Variants in INTS2 observed in about 807,000 individuals in gnomAD.
The protein encoded by INTS2 is KIAA1287.
Under a neutral mutation model 139.6 loss-of-function variants are expected in INTS2, and 57 were observed. The observed-to-expected ratio is 0.41, with a 90% confidence interval of 0.33 to 0.51. The LOEUF (loss-of-function observed/expected upper bound fraction) is 0.51. Ranked by LOEUF, INTS2 falls within the 20% of genes least tolerant of loss-of-function variation. INTS2 has a pLI of 0.28. For synonymous variants in INTS2, 473 were observed against 493.4 expected (o/e 0.96, Z 0.55); for missense variants, 1,196 against 1,436.7 (o/e 0.83, Z 2.71).
intron 5 of INTS2, among the ~76,000 whole-genome samples, chr17:61,918,316 G>A (rs946031213): frequency 6.6e-6 from 1 of 151,928 alleles, no homozygotes; most frequent in Non-Finnish European, 1.5e-5. Flanking sequence ...ATATCGGCTC[G>A]CTGCAACCTC....
chr17:61,902,483 A>G (rs1164473760), intron 9 of INTS2, among the ~76,000 whole-genome samples: 3 of 152,144 alleles, frequency 2.0e-5, no homozygotes, highest in African/African-American at 7.2e-5. Context: ...AGATTTACCC[A>G]AAGTGTACAA....
Position 61,909,823 on chromosome 17 carries a change from ATGTG to A in INTS2, c.954+1693_954+1696del, listed in dbSNP as rs78460850. ...TATACGTGTGTGTGTACATGTGTGT[ATGTG>A]TGTGTGTGTGTGTGTGTGTGTGTGT... On this transcript the variant is annotated intron_variant, in intron 7 of 24. Transcript: ENST00000251334. The surrounding 1 kb of genome is among the most constrained non-coding windows in gnomAD (Gnocchi z 4.9). Among the ~76,000 whole-genome samples the A allele has an allele frequency of 0.34, 47,664 of 138,370 alleles. 8,380 individuals carry two copies. The highest frequency in any genetic ancestry group is 0.45 in the South Asian group (1,971 of 4,346). The allele number at this position is 138,370 out of a possible 152,430, so 90.8% of individuals were successfully genotyped here.
intron 12 of INTS2, 67 bp downstream of exon 12, chr17:61,895,248 A>G (rs920417058): frequency 1.2e-6 from 1 of 855,342 alleles, no homozygotes; most frequent in East Asian, 2.7e-5. Flanking sequence ...GGTAAGACAC[A>G]CAAGTTTTCT....
chr17:61,906,633 G>A (rs190019725), intron 8 of INTS2, among the ~76,000 whole-genome samples: 3 of 152,150 alleles, frequency 2.0e-5, no homozygotes, highest in Admixed American at 2.0e-4. Flanking sequence ...ATGCAAATGA[G>A]GACTGTATGT....
At chr17:61,889,346 C>G (rs554709482) in intron 15 of INTS2, among the ~76,000 whole-genome samples, 1 of 152,222 alleles carries the variant, frequency 6.6e-6, no homozygotes, top group Admixed American at 6.5e-5. Context: ...CTCGGCCTCC[C>G]GAAGTGCTAG....
At chr17:61,900,769 C>T (rs2079396827) in intron 9 of INTS2, among the ~76,000 whole-genome samples, 1 of 151,114 alleles carries the variant, frequency 6.6e-6, no homozygotes, top group African/African-American at 2.4e-5. Flanking sequence ...ACCAGCCTGA[C>T]CAACATGGAG....
intron 8 of INTS2, among the ~76,000 whole-genome samples, chr17:61,907,156 T>C (rs1476455063): frequency 6.6e-6 from 1 of 152,132 alleles, no homozygotes; most frequent in Non-Finnish European, 1.5e-5. Context: ...TAAACTGTGA[T>C]TGGAAATTGA....
intron 17 of INTS2, among the ~76,000 whole-genome samples, chr17:61,879,418 T>C (rs2079158004): frequency 6.6e-6 from 1 of 152,206 alleles, no homozygotes; most frequent in African/African-American, 2.4e-5. Flanking sequence ...CATCTGGCTA[T>C]TGAGCATCTG....
chr17:61,927,668 T>C lies in INTS2; in HGVS notation c.-33A>G. 7.1e-7 allele frequency: 1 copy of C among 1,414,632 alleles called. No homozygotes were observed. 87.6% of individuals were successfully genotyped at this position (1,414,632 alleles called of 1,614,324 possible). ...ACGCTTCATACCTTAAGATCTACCCTCCAGCCTCACGGAACCGCACACGGA... is the reference window on the plus strand; with the variant it reads ...ACGCTTCATACCTTAAGATCTACCCCCCAGCCTCACGGAACCGCACACGGA... On this transcript the variant is annotated 5_prime_UTR_variant, in exon 1 of 25. Transcript: ENST00000251334.
rs1417306333 is a variant in INTS2, at chr17:61,867,062, T to G, written c.*495A>C. On this transcript the variant is annotated 3_prime_UTR_variant, in exon 25 of 25. Coordinates refer to ENST00000251334, the MANE Select transcript of INTS2 (RefSeq NM_001351695.2). The surrounding 1 kb of genome is among the most constrained non-coding windows in gnomAD (Gnocchi z 5.6). ...ATTACTATTACTTGCACTGCAAATC[T>G]TTGAGATTTCTACTTGTGTTTTTAA... The G allele has an allele frequency of 2.0e-5, 3 of 152,258 alleles. No homozygotes were observed. The highest frequency in any genetic ancestry group is 4.4e-5 in the Non-Finnish European group (3 of 68,046). The allele number at this position is 152,258 out of a possible 1,614,324, so 9.4% of individuals were successfully genotyped here.
rs1162090261 is a variant in INTS2 at position 61,893,997 on chromosome 17, T to C, written c.1564-98A>G. ...GTAGACTGTCAACACCTAATACAAG[T>C]GTGGTCCCTAGAAATGAATGATGAA... On this transcript the variant is annotated intron_variant, in intron 12 of 24. Coordinates refer to ENST00000251334, the MANE Select transcript of INTS2 (RefSeq NM_001351695.2). This position sits in a 1 kb window ranked among gnomAD's most constrained non-coding sequence, Gnocchi z 5.4. The C allele has an allele frequency of 3.0e-6, 2 of 669,724 alleles. No individual in the cohort carries two copies. Among genetic ancestry groups the C allele is most frequent in the East Asian group, 6.1e-5 (2 of 32,942 alleles). 41.5% of individuals were successfully genotyped at this position (669,724 alleles called of 1,614,324 possible).
chr17:61,911,957 T>G lies in INTS2; in HGVS notation c.763A>C (p.Lys255Gln). ...LCKMNPSQAL[K>Q]VRGMVVEECH... Reference sequence around the variant, plus strand: ...TCACTTACCACCATGCCTCGGACCTTGAGGGCCTGAGAAGGATTCATTTTA... The same window carrying G: ...TCACTTACCACCATGCCTCGGACCTGGAGGGCCTGAGAAGGATTCATTTTA... Residue 255 changes from lysine to glutamine, a missense_variant, in exon 6 of 25, where the codon AAG becomes CAG. Around this residue, in one of 3 missense-constraint regions of INTS2, gnomAD observed 1,129 missense variants for 1,341.9 expected, o/e 0.84. Transcript: ENST00000251334. 2 of 1,613,374 alleles carry G rather than the reference T, an allele frequency of 1.2e-6. No homozygotes were observed. Among genetic ancestry groups the G allele is most frequent in the Non-Finnish European group, 1.7e-6 (2 of 1,179,718 alleles).
rs1462469981 is a variant in INTS2 at position 61,897,092 on chromosome 17, T to C, written c.1494+377A>G. On this transcript the variant is annotated intron_variant, in intron 11 of 24. Transcript: ENST00000251334. This position sits in a 1 kb window ranked among gnomAD's most constrained non-coding sequence, Gnocchi z 4.4. ...AATGGACTATAAGACAATGCAGTCATTAAAAATTATACTGTATTATAATAT... is the reference window on the plus strand; with the variant it reads ...AATGGACTATAAGACAATGCAGTCACTAAAAATTATACTGTATTATAATAT... Among the ~76,000 whole-genome samples the C allele has an allele frequency of 6.6e-6, 1 of 152,154 alleles. No homozygotes were observed. Among genetic ancestry groups the C allele is most frequent in the East Asian group, 1.9e-4 (1 of 5,206 alleles).
chr17:61,894,901 AAAG>A (rs982885857), intron 12 of INTS2, among the ~76,000 whole-genome samples: 3 of 152,188 alleles, frequency 2.0e-5, no homozygotes, highest in Admixed American at 2.0e-4. Flanking sequence ...TGCTAAGGCT[AAAG>A]AAGAACATGT....
Position 61,911,675 on chromosome 17 carries a change from G to A in INTS2, c.799C>T (p.Pro267Ser). 1.2e-6 allele frequency: 2 copies of A among 1,613,030 alleles called. No individual in the cohort carries two copies. The highest frequency in any genetic ancestry group is 1.7e-6 in the Non-Finnish European group (2 of 1,179,404). The change falls in exon 7 of 25, where the codon CCA becomes TCA. Residue 267 changes from proline to serine, a missense_variant. Transcript: ENST00000251334. Reference sequence around the variant, plus strand: ...AATGTCAAAGCCACACCAAGGCCTGGCAAGTGACATTCTTCCACCTAGCAC... The same window carrying A: ...AATGTCAAAGCCACACCAAGGCCTGACAAGTGACATTCTTCCACCTAGCAC... ...RGMVVEECHL[P>S]GLGVALTLDH... is the part of the protein sequence containing the mutation.
intron 16 of INTS2, 122 bp downstream of exon 16, chr17:61,884,779 G>A (rs2079210267): frequency 1.5e-6 from 1 of 681,334 alleles, no homozygotes; most frequent in African/African-American, 1.8e-5. Flanking sequence ...GAGGCAAAGA[G>A]GAATTTCACT....
At position 61,867,897 on chromosome 17, in the gene INTS2, T is replaced by C. The variant is rs1247413244; in HGVS notation, c.3357A>G (p.Gln1119=). 9 of 1,612,162 alleles carry C rather than the reference T, an allele frequency of 5.6e-6. No individual in the cohort carries two copies. The highest frequency in any genetic ancestry group is 1.3e-5 in the African/African-American group (1 of 74,962). The change falls in exon 24 of 25, where the codon CAA becomes CAG. Residue 1119 remains glutamine, a synonymous_variant. Transcript: ENST00000251334. The surrounding 1 kb of genome is among the most constrained non-coding windows in gnomAD (Gnocchi z 5.6). The stretch of plus-strand genomic sequence containing the variant: ...CATCAGAGGCACAAACTTGCCCTAT[T>C]TGGATCAGCAAAGACATAATATCCT... The part of the protein sequence containing the change: ...LYEDIMSLLI[Q]IGQVCASDVA...
chr17:61,899,910 T>TA (rs58001968), intron 9 of INTS2, among the ~76,000 whole-genome samples: 51 of 138,572 alleles, frequency 3.7e-4, no homozygotes, highest in East Asian at 6.3e-4. Flanking sequence ...AGATCCTATC[T>TA]AAAAAAAAAA....
Position 61,921,798 on chromosome 17 carries a change from G to GA in INTS2, c.461dup (p.Lys155GlnfsTer4), listed in dbSNP as rs1484194958. 1.1e-5 allele frequency: 17 copies of GA among 1,584,534 alleles called. No homozygotes were observed. The highest frequency in any genetic ancestry group is 3.5e-5 in the South Asian group (3 of 86,466). On this transcript the variant is annotated frameshift_variant, in exon 4 of 25. Transcript: ENST00000251334. LOFTEE classifies it high-confidence loss of function. ...GACTCTCAAAAAGTTCAGAAGACTT[G>GA]AAAAAAAATTCTCCGTTGGACTCAG...
Sources: gnomAD v4.1 joint callset for allele counts (sites outside exome capture counted in the v4.1 genomes callset) on GRCh38, gnomAD v4.1.1 for gene constraint, gnomAD v4.1.1 regional missense constraint, Gnocchi (gnomAD v3.1) non-coding constraint, MANE v1.5 for transcripts, NCBI Gene and HGNC (gene_info 2026-07-23, HGNC 2026-07-21) for gene names.